The following PCDHAC1 variants were observed in gnomAD, a reference collection of about 807,000 sequenced individuals.
PCDHAC1 encodes protocadherin alpha-C1.
Under a neutral mutation model 60.0 loss-of-function variants are expected in PCDHAC1, and 42 were observed. That is an observed-to-expected ratio of 0.70 (90% CI 0.55 to 0.90). The LOEUF (loss-of-function observed/expected upper bound fraction) is 0.90. Ranked by LOEUF, PCDHAC1 falls within the 40% of genes least tolerant of loss-of-function variation. PCDHAC1 has a pLI of 0.00. For synonymous variants in PCDHAC1, 468 were observed against 499.3 expected, an observed-to-expected ratio of 0.94 and a Z score of 0.84; for missense variants, 1,160 against 1,222.3, an observed-to-expected ratio of 0.95 and a Z score of 0.76.
At chr5:140,985,670 G>A (rs1554247237) in intron 3 of PCDHAC1, among the ~76,000 whole-genome samples, 1 of 152,024 alleles carries the variant, frequency 6.6e-6, no homozygotes, top group East Asian at 1.9e-4. Flanking sequence ...AAAGGAAGTG[G>A]GGCCTGCCTT....
chr5:140,932,637 T>G (rs1554209011), intron 1 of PCDHAC1, among the ~76,000 whole-genome samples: 2 of 151,870 alleles, frequency 1.3e-5, no homozygotes, highest in Non-Finnish European at 3.0e-5. Flanking sequence ...TAAAAAACTT[T>G]AGAATGATGA....
In PCDHAC1 at chr5:140,926,512, C is replaced by T; in HGVS notation, c.-381C>T. On this transcript the variant is annotated 5_prime_UTR_variant, in exon 1 of 4. Transcript: ENST00000253807. ...TTAGTGTCTCGGGGCGTCTCCCAGG[C>T]TCCGCCCTGCGCCCGCAGCCAGCGT... 1 of 197,914 alleles carries T rather than the reference C, an allele frequency of 5.1e-6. No individual in the cohort carries two copies. 12.3% of individuals were successfully genotyped at this position (197,914 alleles called of 1,614,324 possible). A position where few individuals can be genotyped will look rare whatever the true frequency, so the allele number is the denominator to read the frequency against.
chr5:140,929,210 G>C lies in PCDHAC1; in HGVS notation c.2318G>C (p.Gly773Ala), dbSNP rs782078369. Residue 773 changes from glycine (G) to alanine (A), a missense_variant, in exon 1 of 4, where the codon GGG (glycine) becomes GCG (alanine). By Grantham distance (60) the Gly-to-Ala change is moderately conservative (BLOSUM62 0). Coordinates refer to ENST00000253807, the MANE Select transcript of PCDHAC1 (RefSeq NM_018898.5). ...GATAATAACAGTTTGCTGTTGCGTG[G>C]GGAGTACAATGCTGCCGACCTGCGA... Reference protein sequence around the residue: ...GSDNNSLLLRGEYNAADLRNL... With the variant: ...GSDNNSLLLRAEYNAADLRNL... 3 of 1,614,070 alleles carry C rather than the reference G, an allele frequency of 1.9e-6. No homozygotes were observed. The highest frequency in any genetic ancestry group is 2.5e-6 in the Non-Finnish European group (3 of 1,179,998).
intron 1 of PCDHAC1, among the ~76,000 whole-genome samples, chr5:140,950,542 A>G (rs1332265340): frequency 1.3e-5 from 2 of 152,014 alleles, no homozygotes; most frequent in Non-Finnish European, 2.9e-5. Flanking sequence ...TTGCTCTTGC[A>G]TGGCTGGGGG....
chr5:141,000,379 CTCTCTCTCTCTCTCTCTA>C (rs1224441934), intron 3 of PCDHAC1, among the ~76,000 whole-genome samples: 4 of 60,364 alleles, frequency 6.6e-5, no homozygotes, highest in Non-Finnish European at 9.2e-5. Flanking sequence ...CTCTCTCTCT[CTCTCTCTCTCTCTCTCTA>C]TATATATATA....
intron 1 of PCDHAC1, chr5:140,967,492 G>T (rs1554229617): frequency 3.1e-6 from 5 of 1,613,380 alleles, no homozygotes; most frequent in Non-Finnish European, 4.2e-6. Flanking sequence ...GTACGGCACA[G>T]ATCTCTGTGC....
At chr5:140,962,203 C>T (rs1431150597) in intron 1 of PCDHAC1, among the ~76,000 whole-genome samples, 1 of 152,086 alleles carries the variant, frequency 6.6e-6, no homozygotes, top group African/African-American at 2.4e-5. Flanking sequence ...CTTCCTATCT[C>T]CTTATTGATC....
intron 1 of PCDHAC1, among the ~76,000 whole-genome samples, chr5:140,937,875 G>GCATGGCGCCCAGGCGC (rs1467494060): frequency 1.3e-5 from 2 of 150,442 alleles, no homozygotes; most frequent in African/African-American, 4.9e-5. Context: ...TCGCGCCACT[G>GCATGGCGCCCAGGCGC]CACTCCAGCC....
chr5:140,956,599 G>A (rs782510228), intron 1 of PCDHAC1, among the ~76,000 whole-genome samples: 4 of 152,186 alleles, frequency 2.6e-5, no homozygotes, highest in Non-Finnish European at 5.9e-5. Flanking sequence ...AGGGATATCA[G>A]CTGGAAGTTT....
chr5:140,969,148 G>A, intron 1 of PCDHAC1: 2 of 1,614,102 alleles, frequency 1.2e-6, no homozygotes, highest in Non-Finnish European at 8.5e-7. Context: ...ACTGCTACAA[G>A]GCCTGTCTGA....
intron 2 of PCDHAC1, 35 bp from the exon 3 acceptor site, chr5:140,982,440 A>C: frequency 6.2e-6 from 10 of 1,613,042 alleles, no homozygotes; most frequent in Non-Finnish European, 8.5e-6. Context: ...AGAATTTATG[A>C]TCTAACCGTT....
In PCDHAC1 at chr5:140,981,033, G is replaced by GA. The variant is rs148859655; in HGVS notation, c.2493-1434dup. ...CACTTGAAGGCTGTTAATATTTGGG[G>GA]AAAAAAAACAGATAATTCTAGAGTG... On this transcript the variant is annotated intron_variant, in intron 2 of 3. Transcript: ENST00000253807. 8.2e-3 allele frequency among the ~76,000 whole-genome samples: 1,241 copies of GA among 151,610 alleles called. 19 individuals are homozygous for GA. Among genetic ancestry groups the GA allele is most frequent in the African/African-American group, 0.027 (1,115 of 41,338 alleles).
At chr5:140,990,155 G>GT (rs1274867030) in intron 3 of PCDHAC1, among the ~76,000 whole-genome samples, 4 of 152,076 alleles carry the variant, frequency 2.6e-5, no homozygotes, top group African/African-American at 9.7e-5. Context: ...ATAATAGAAA[G>GT]TTAGGGTATG....
At chr5:140,967,428 C>T (rs782709354) in intron 1 of PCDHAC1, 2 of 1,613,402 alleles carry the variant, frequency 1.2e-6, no homozygotes, top group East Asian at 4.5e-5. Context: ...GAGCAGGCAG[C>T]CTTGCACCAC....
At position 141,011,990 on chromosome 5, in the gene PCDHAC1, T is replaced by C. The variant is rs1554263765; in HGVS notation, c.*2053T>C. On this transcript the variant is annotated 3_prime_UTR_variant, in exon 4 of 4. Transcript: ENST00000253807. ...ACTGTCTTGTCTACTTTTAGCTTCA[T>C]TCTCCCATATTTTGAAGGGTGTGTA... 1 of 153,772 alleles carries C rather than the reference T, an allele frequency of 6.5e-6. No homozygotes were observed. The highest frequency in any genetic ancestry group is 1.5e-5 in the Non-Finnish European group (1 of 68,038). 9.5% of individuals were successfully genotyped at this position (153,772 alleles called of 1,614,324 possible). A position where few individuals can be genotyped will look rare whatever the true frequency, so the allele number is the denominator to read the frequency against.
At chr5:140,990,272 C>T (rs568200508) in intron 3 of PCDHAC1, among the ~76,000 whole-genome samples, 12 of 152,196 alleles carry the variant, frequency 7.9e-5, no homozygotes, top group African/African-American at 1.4e-4. Flanking sequence ...CAATGTACCC[C>T]GGGTCTTGAG....
Position 141,000,690 on chromosome 5 carries a change from A to G in PCDHAC1, c.2582-8937A>G, listed in dbSNP as rs550187550. On this transcript the variant is annotated intron_variant, in intron 3 of 3. Transcript: ENST00000253807. The stretch of plus-strand genomic sequence containing the variant: ...TGATCCACCTGCCTCTGCCTCCCAA[A>G]GTGCTGGGATTACAGGCATGAGCCA... 4.2e-3 allele frequency among the ~76,000 whole-genome samples: 638 copies of G among 151,554 alleles called. 1 individual carries two copies. The highest frequency in any genetic ancestry group is 7.2e-3 in the Non-Finnish European group (489 of 67,874).
intron 2 of PCDHAC1, 69 bp downstream of exon 2, chr5:140,979,076 C>G: frequency 6.3e-7 from 1 of 1,584,068 alleles, no homozygotes; most frequent in South Asian, 1.1e-5. Flanking sequence ...AACTGCATCT[C>G]CATAGGCCAG....
At chr5:140,968,668 G>A (rs1365342675) in intron 1 of PCDHAC1, 3 of 1,614,038 alleles carry the variant, frequency 1.9e-6, no homozygotes, top group African/African-American at 1.3e-5. Flanking sequence ...ACCTCTTTAA[G>A]GTAGAGCTGC....
Sources: allele counts gnomAD v4.1 joint callset (sites outside exome capture counted in the v4.1 genomes callset), GRCh38; gene constraint gnomAD v4.1.1; transcripts MANE v1.5; gene names NCBI Gene and HGNC (gene_info 2026-07-23, HGNC 2026-07-21).